The following SLCO3A1 variants were observed in gnomAD, a reference collection of about 807,000 sequenced individuals.
SLCO3A1 encodes PGE1 transporter.
Under a neutral mutation model 63.1 loss-of-function variants are expected in SLCO3A1, and 27 were observed. The observed-to-expected ratio is 0.43, with a 90% CI of 0.32 to 0.59. The LOEUF (loss-of-function observed/expected upper bound fraction) is 0.59. Ranked by LOEUF, SLCO3A1 falls within the 20% of genes least tolerant of loss-of-function variation. The pLI, the probability that SLCO3A1 is intolerant of heterozygous loss-of-function variation, is 0.09. For missense variants in SLCO3A1, 773 were observed against 945.8 expected, an observed-to-expected ratio of 0.82 and a Z score of 2.40; for synonymous variants, 473 against 409.9, an observed-to-expected ratio of 1.15 and a Z score of -1.86.
chr15:92,147,017 C>T lies in SLCO3A1; in HGVS notation c.1546C>T (p.Pro516Ser). ...GGGCTGTGCGTGCCTCACCACCGTCCCTGCTGAGAACGCAACCGTGGTTCC... is the reference window on the plus strand; with the variant it reads ...GGGCTGTGCGTGCCTCACCACCGTCTCTGCTGAGAACGCAACCGTGGTTCC... Reference protein sequence around the residue: ...LTGCACLTTVPAENATVVPGK... With the variant: ...LTGCACLTTVSAENATVVPGK... Residue 516 changes from proline to serine, a missense_variant, in exon 8 of 10, where the codon CCT (proline) becomes TCT (serine). Transcript: ENST00000318445. 2 of 1,613,982 alleles carry T rather than the reference C, an allele frequency of 1.2e-6. No homozygotes were observed. The highest frequency in any genetic ancestry group is 1.7e-6 in the Non-Finnish European group (2 of 1,179,930).
intron 2 of SLCO3A1, among the ~76,000 whole-genome samples, chr15:92,067,709 G>A (rs1434705760): frequency 1.3e-5 from 2 of 152,200 alleles, no homozygotes; most frequent in African/African-American, 4.8e-5. Context: ...ACTCTTTGTG[G>A]TTTCCCTTGT....
At chr15:92,155,054 A>G (rs1254209093) in intron 9 of SLCO3A1, 1 of 151,140 alleles carries the variant, frequency 6.6e-6, no homozygotes, top group Non-Finnish European at 1.5e-5. Context: ...AAAGGCTCAC[A>G]TGGACAAGTT....
rs1036189410 is a variant in SLCO3A1 at position 91,881,470 on chromosome 15, G to A, written c.180+27382G>A. Among the ~76,000 whole-genome samples the A allele has an allele frequency of 2.6e-5, 4 of 151,992 alleles. No homozygotes were observed. In the South Asian group the frequency reaches 6.2e-4, roughly 24 times the overall value. On this transcript the variant is annotated intron_variant, in intron 1 of 9. Transcript: ENST00000318445. ...TGCTCTTTCCTTGCATAAAATGCAC[G>A]ATAAAGAAAAATGTTTTTTTCTTTA...
intron 1 of SLCO3A1, among the ~76,000 whole-genome samples, chr15:91,868,053 T>A (rs1002004774): frequency 2.6e-5 from 4 of 152,144 alleles, no homozygotes; most frequent in African/African-American, 4.8e-5. Context: ...TGCTTTTTTT[T>A]TAAATTTTTT....
chr15:91,909,689 G>A (rs1465408238), intron 1 of SLCO3A1, among the ~76,000 whole-genome samples: 4 of 152,130 alleles, frequency 2.6e-5, no homozygotes, highest in African/African-American at 9.7e-5. Flanking sequence ...CTGCACTCCC[G>A]GGCTCCTCCC....
intron 2 of SLCO3A1, among the ~76,000 whole-genome samples, chr15:92,074,923 G>A (rs1014185608): frequency 5.9e-5 from 9 of 152,128 alleles, no homozygotes; most frequent in African/African-American, 1.4e-4. Context: ...GGTGGATTCC[G>A]GGTCCTCTGG....
chr15:91,915,234 T>G (rs1052960077), intron 1 of SLCO3A1, among the ~76,000 whole-genome samples: 4 of 152,084 alleles, frequency 2.6e-5, no homozygotes, highest in African/African-American at 7.2e-5. Context: ...CCATCACTTT[T>G]CTCTTGTGTC....
At chr15:91,914,469 G>T (rs72750095) in intron 1 of SLCO3A1, among the ~76,000 whole-genome samples, 1 of 151,836 alleles carries the variant, frequency 6.6e-6, no homozygotes, top group Admixed American at 6.6e-5. Context: ...GATCTGTATT[G>T]TGTCTACCTA....
chr15:92,150,986 A>G lies in SLCO3A1; in HGVS notation c.1725A>G (p.Gly575=). ...VSPELKSYAL[G]VLFLLLRLLG... ...CTGAACTCAAGTCTTACGCTTTGGGAGTTCTTTTTCTCCTCCTTCGTTTGT... is the reference window on the plus strand; with the variant it reads ...CTGAACTCAAGTCTTACGCTTTGGGGGTTCTTTTTCTCCTCCTTCGTTTGT... Residue 575 remains glycine (G), a synonymous_variant, in exon 9 of 10, where the codon GGA becomes GGG. Coordinates refer to ENST00000318445, the MANE Select transcript of SLCO3A1 (RefSeq NM_013272.4). The G allele has an allele frequency of 6.2e-7, 1 of 1,612,442 alleles. No individual in the cohort carries two copies. The highest frequency in any genetic ancestry group is 8.5e-7 in the Non-Finnish European group (1 of 1,179,310).
At chr15:92,152,177 G>A (rs2048314416) in intron 9 of SLCO3A1, among the ~76,000 whole-genome samples, 1 of 152,208 alleles carries the variant, frequency 6.6e-6, no homozygotes, top group Admixed American at 6.5e-5. Context: ...TGAATGAAAT[G>A]TCTGTTACTT....
intron 4 of SLCO3A1, among the ~76,000 whole-genome samples, chr15:92,114,339 A>G (rs2047766086): frequency 6.6e-6 from 1 of 152,156 alleles, no homozygotes; most frequent in African/African-American, 2.4e-5. Context: ...TTTATTTATT[A>G]GATTCTTTAA....
chr15:91,893,745 C>A (rs533815075), intron 1 of SLCO3A1, among the ~76,000 whole-genome samples: 2 of 152,190 alleles, frequency 1.3e-5, no homozygotes, highest in African/African-American at 4.8e-5. Flanking sequence ...AGAGTTAGAA[C>A]TTTTAGGCCG....
chr15:92,127,753 T>G (rs947113756), intron 6 of SLCO3A1, among the ~76,000 whole-genome samples: 1 of 152,220 alleles, frequency 6.6e-6, no homozygotes, highest in Non-Finnish European at 1.5e-5. Flanking sequence ...AGTGTTATTT[T>G]TCTCAGGACA....
Position 91,859,103 on chromosome 15 carries a change from C to T in SLCO3A1, c.180+5015C>T, listed in dbSNP as rs752550408. Reference sequence around the variant, plus strand: ...GCCGCATGCATTGCATATTTACATACGTGTTTGTGTACAGCGTTGCATACA... The same window carrying T: ...GCCGCATGCATTGCATATTTACATATGTGTTTGTGTACAGCGTTGCATACA... On this transcript the variant is annotated intron_variant, in intron 1 of 9. Coordinates refer to ENST00000318445, the MANE Select transcript of SLCO3A1 (RefSeq NM_013272.4). This position sits in a 1 kb window ranked among gnomAD's most constrained non-coding sequence, Gnocchi z 5.1. Among the ~76,000 whole-genome samples the T allele has an allele frequency of 6.6e-6, 1 of 152,180 alleles. No homozygotes were observed. Among genetic ancestry groups the T allele is most frequent in the Admixed American group, 6.5e-5 (1 of 15,278 alleles).
At chr15:92,129,221 G>C (rs189144651) in intron 7 of SLCO3A1, among the ~76,000 whole-genome samples, 2 of 152,272 alleles carry the variant, frequency 1.3e-5, no homozygotes, top group African/African-American at 4.8e-5. Flanking sequence ...TATGTCCTTC[G>C]TTTTCTTCAA....
chr15:91,878,407 G>A (rs768680040), intron 1 of SLCO3A1, among the ~76,000 whole-genome samples: 38 of 152,172 alleles, frequency 2.5e-4, no homozygotes, highest in Non-Finnish European at 5.1e-4. Context: ...TGGGCTCCAG[G>A]ATTGCAGATG....
chr15:92,006,401 A>G (rs1288909765), intron 2 of SLCO3A1, among the ~76,000 whole-genome samples: 1 of 152,232 alleles, frequency 6.6e-6, no homozygotes, highest in Non-Finnish European at 1.5e-5. Flanking sequence ...ACTTTGGTAC[A>G]GCTACTGAGT....
chr15:92,096,983 G>A (rs1279860499), intron 3 of SLCO3A1, among the ~76,000 whole-genome samples: 1 of 152,124 alleles, frequency 6.6e-6, no homozygotes, highest in Non-Finnish European at 1.5e-5. Flanking sequence ...TGCTCGTATA[G>A]ACAGGCCAGC....
intron 2 of SLCO3A1, among the ~76,000 whole-genome samples, chr15:91,979,153 C>A (rs1200564701): frequency 6.6e-6 from 1 of 152,114 alleles, no homozygotes; most frequent in Non-Finnish European, 1.5e-5. Flanking sequence ...GGGTTTAGTA[C>A]CCCTTAGCCC....
Sources: allele counts gnomAD v4.1 joint callset (sites outside exome capture counted in the v4.1 genomes callset), GRCh38; gene constraint gnomAD v4.1.1; non-coding constraint Gnocchi (gnomAD v3.1); transcripts MANE v1.5; gene names NCBI Gene and HGNC (gene_info 2026-07-23, HGNC 2026-07-21).